KCNIP1: variants seen among roughly 807,000 people sequenced by gnomAD.
KCNIP1 encodes potassium voltage-gated channel interacting protein 1, also known as A-type potassium channel modulatory protein KCNIP1.
In KCNIP1, 18 loss-of-function variants were observed where a neutral mutation model predicts 33.0. The observed-to-expected ratio is 0.55, with a 90% CI of 0.38 to 0.81. The LOEUF (loss-of-function observed/expected upper bound fraction) is 0.81, where lower values mean the gene tolerates loss of function less well. KCNIP1 is among the 30% of genes least tolerant of loss of function. The pLI, the probability that KCNIP1 is intolerant of heterozygous loss-of-function variation, is 0.00. For synonymous variants in KCNIP1, 93 were observed against 98.3 expected, an observed-to-expected ratio of 0.95 and a Z score of 0.32; for missense variants, 238 against 271.6, an observed-to-expected ratio of 0.88 and a Z score of 0.87.
rs139105529 is a variant in KCNIP1, at chr5:170,518,229, G to A, written c.61+13596G>A. ...GATGATAGTGGTAGTGGTGTCAACA[G>A]CACTGGTGAATTTAAGGCAATCATT... On this transcript the variant is annotated intron_variant, in intron 1 of 7. Coordinates refer to ENST00000328939, the MANE Select transcript of KCNIP1 (RefSeq NM_014592.4). 2.9e-3 allele frequency among the ~76,000 whole-genome samples: 445 copies of A among 152,228 alleles called. 3 individuals are homozygous for A. Among genetic ancestry groups the A allele is most frequent in the African/African-American group, 0.01 (428 of 41,526 alleles).
intron 1 of KCNIP1, among the ~76,000 whole-genome samples, chr5:170,407,872 G>A (rs1445136320): frequency 1.5e-5 from 2 of 134,592 alleles, no homozygotes; most frequent in African/African-American, 5.9e-5. Context: ...CTTCAGTGGC[G>A]TAGTGACAGT....
chr5:170,404,781 A>G (rs958768901), intron 1 of KCNIP1, among the ~76,000 whole-genome samples: 1 of 152,214 alleles, frequency 6.6e-6, no homozygotes, highest in Non-Finnish European at 1.5e-5. Flanking sequence ...GAGGAACTAC[A>G]AAATATTGTG....
At chr5:170,549,800 A>C (rs1196541894) in intron 1 of KCNIP1, among the ~76,000 whole-genome samples, 3 of 152,256 alleles carry the variant, frequency 2.0e-5, no homozygotes, top group Non-Finnish European at 2.9e-5. Context: ...GTGTTTTCAA[A>C]TTATGTGTGA....
chr5:170,493,854 A>C (rs1202092113), intron 1 of KCNIP1, among the ~76,000 whole-genome samples: 1 of 152,178 alleles, frequency 6.6e-6, no homozygotes, highest in African/African-American at 2.4e-5. Flanking sequence ...GGTTGATTGC[A>C]AATAGTGCAT....
At chr5:170,732,165 A>C (rs1462013200) in intron 5 of KCNIP1, among the ~76,000 whole-genome samples, 1 of 152,248 alleles carries the variant, frequency 6.6e-6, no homozygotes, top group African/African-American at 2.4e-5. Flanking sequence ...TCTCTGTAGA[A>C]ACCAGGTCAA....
intron 1 of KCNIP1, among the ~76,000 whole-genome samples, chr5:170,682,999 A>T (rs1486299094): frequency 6.6e-6 from 1 of 151,914 alleles, no homozygotes; most frequent in East Asian, 1.9e-4. Flanking sequence ...TCCATATCAT[A>T]AGTATCCATC....
At chr5:170,521,958 A>G (rs1430619200) in intron 1 of KCNIP1, among the ~76,000 whole-genome samples, 1 of 152,104 alleles carries the variant, frequency 6.6e-6, no homozygotes, top group Non-Finnish European at 1.5e-5. Context: ...CATCCTCTAC[A>G]TCTAGGTGAA....
chr5:170,726,180 G>A (rs1763998708), intron 5 of KCNIP1, among the ~76,000 whole-genome samples: 1 of 151,956 alleles, frequency 6.6e-6, no homozygotes. Context: ...CATGGACTTG[G>A]AAAAAATGTT....
intron 1 of KCNIP1, among the ~76,000 whole-genome samples, chr5:170,604,499 T>G (rs1758822143): frequency 6.6e-6 from 1 of 152,308 alleles, no homozygotes; most frequent in East Asian, 1.9e-4. Flanking sequence ...CATTGTGCCC[T>G]TTGCTGTGGC....
intron 1 of KCNIP1, among the ~76,000 whole-genome samples, chr5:170,668,766 G>T (rs1373464690): frequency 6.6e-6 from 1 of 152,140 alleles, no homozygotes; most frequent in Non-Finnish European, 1.5e-5. Context: ...AGATGACTGG[G>T]GTCAGTTATT....
intron 1 of KCNIP1, among the ~76,000 whole-genome samples, chr5:170,666,420 T>A (rs1175947594): frequency 1.3e-5 from 2 of 152,204 alleles, no homozygotes; most frequent in African/African-American, 4.8e-5. Context: ...CTGGAGCCAC[T>A]CCAAGGAACC....
intron 1 of KCNIP1, among the ~76,000 whole-genome samples, chr5:170,612,558 A>G (rs1384740790): frequency 6.6e-6 from 1 of 152,198 alleles, no homozygotes. Flanking sequence ...AGTGCTTCCC[A>G]GGGTGAGCCA....
upstream of KCNIP1, among the ~76,000 whole-genome samples, chr5:170,499,453 A>C (rs1428843926): frequency 1.3e-5 from 2 of 152,218 alleles, no homozygotes; most frequent in African/African-American, 2.4e-5. Flanking sequence ...CCACTTACTA[A>C]AGGAATTATG....
At chr5:170,644,154 G>C (rs1760693180) in intron 1 of KCNIP1, among the ~76,000 whole-genome samples, 2 of 152,212 alleles carry the variant, frequency 1.3e-5, no homozygotes, top group African/African-American at 2.4e-5. Context: ...AGGGTCAGAT[G>C]ATGAGGGACT....
At chr5:170,392,621 G>A (rs755616503) in intron 1 of KCNIP1, among the ~76,000 whole-genome samples, 5 of 152,136 alleles carry the variant, frequency 3.3e-5, no homozygotes, top group Non-Finnish European at 5.9e-5. Flanking sequence ...CCAGTAGTTC[G>A]AGACCAGCCT....
chr5:170,506,814 A>G (rs1754736812), intron 1 of KCNIP1, among the ~76,000 whole-genome samples: 1 of 152,206 alleles, frequency 6.6e-6, no homozygotes, highest in Non-Finnish European at 1.5e-5. Flanking sequence ...CACAAAGCCC[A>G]CTGGCGTGAG....
At chr5:170,353,900 C>G (rs1370744035) in exon 1 of KCNIP1, 5 of 1,614,200 alleles carry the variant, frequency 3.1e-6, no homozygotes, top group Non-Finnish European at 4.2e-6. Context: ...CCAAAAGATG[C>G]AAGCTTGGGT....
intron 1 of KCNIP1, among the ~76,000 whole-genome samples, chr5:170,619,924 G>A (rs1295067875): frequency 6.6e-6 from 1 of 152,112 alleles, no homozygotes; most frequent in Admixed American, 6.5e-5. Flanking sequence ...CTTCAAGGAG[G>A]GTTGAGGGGT....
chr5:170,693,662 A>G (rs1762800404), intron 1 of KCNIP1, among the ~76,000 whole-genome samples: 1 of 152,238 alleles, frequency 6.6e-6, no homozygotes, highest in Non-Finnish European at 1.5e-5. Context: ...TTGAATTGAC[A>G]TGAACAAGCT....
Sources: allele counts gnomAD v4.1 joint callset (sites outside exome capture counted in the v4.1 genomes callset), GRCh38; gene constraint gnomAD v4.1.1; transcripts MANE v1.5; gene names NCBI Gene and HGNC (gene_info 2026-07-23, HGNC 2026-07-21).